OSBPL10: variants seen among roughly 807,000 people sequenced by gnomAD.
OSBPL10 encodes the protein oxysterol binding protein like 10, also known as oxysterol-binding protein-related protein 10.
Under a neutral mutation model 81.7 loss-of-function variants are expected in OSBPL10, and 49 were observed. That is an observed-to-expected ratio of 0.60 (90% CI 0.48 to 0.76). The LOEUF (loss-of-function observed/expected upper bound fraction) is 0.76, where lower values mean the gene tolerates loss of function less well. Among genes scored for constraint, OSBPL10 ranks in the 30% least tolerant of loss-of-function variants. The pLI is 0.00. For missense variants in OSBPL10, 923 were observed against 987.8 expected (o/e 0.93, Z 0.88); for synonymous variants, 419 against 383.6 (o/e 1.09, Z -1.08).
intron 1 of OSBPL10, among the ~76,000 whole-genome samples, chr3:31,974,625 G>A (rs180716050): frequency 5.3e-5 from 8 of 152,268 alleles, no homozygotes; most frequent in Admixed American, 6.5e-5. Flanking sequence ...TTAAGAGAAA[G>A]AAGCCAGACA....
intron 2 of OSBPL10, among the ~76,000 whole-genome samples, chr3:32,041,119 G>C (rs182696833): frequency 6.6e-6 from 1 of 152,068 alleles, no homozygotes; most frequent in Admixed American, 6.6e-5. Context: ...AGCTTCCTCC[G>C]TGCCACATAC....
At chr3:32,077,111 A>G (rs1405880624) in intron 1 of OSBPL10, among the ~76,000 whole-genome samples, 2 of 152,154 alleles carry the variant, frequency 1.3e-5, no homozygotes, top group Non-Finnish European at 2.9e-5. Flanking sequence ...GGAAAGGGCT[A>G]TTATCGTCTT....
chr3:32,036,099 G>A (rs1304771843), intron 2 of OSBPL10, among the ~76,000 whole-genome samples: 1 of 152,184 alleles, frequency 6.6e-6, no homozygotes, highest in Non-Finnish European at 1.5e-5. Context: ...CTAGGCTGGG[G>A]TGCAGTGGCA....
intron 2 of OSBPL10, among the ~76,000 whole-genome samples, chr3:32,042,665 G>A (rs9820397): frequency 0.021 from 3,172 of 152,128 alleles, 109 homozygotes; most frequent in African/African-American, 0.069. Context: ...CTGGGTCACC[G>A]GGGGTGACAT....
At chr3:31,815,043 C>T (rs892771716) in intron 4 of OSBPL10, among the ~76,000 whole-genome samples, 1 of 148,704 alleles carries the variant, frequency 6.7e-6, no homozygotes, top group Non-Finnish European at 1.5e-5. Context: ...TCTCTATCCC[C>T]GGAGCGCTTC....
At chr3:31,739,884 A>T (rs2125680238) in intron 5 of OSBPL10, among the ~76,000 whole-genome samples, 1 of 152,328 alleles carries the variant, frequency 6.6e-6, no homozygotes, top group Middle Eastern at 3.4e-3. Context: ...AATTTTGGTT[A>T]AAAATATTGC....
intron 2 of OSBPL10, among the ~76,000 whole-genome samples, chr3:32,010,376 A>T (rs1176029791): frequency 6.6e-6 from 1 of 152,174 alleles, no homozygotes; most frequent in African/African-American, 2.4e-5. Flanking sequence ...TAGCAGACTA[A>T]TACAGGATTC....
At chr3:31,967,233 GTTTT>G (rs905469213) in intron 1 of OSBPL10, among the ~76,000 whole-genome samples, 1 of 152,090 alleles carries the variant, frequency 6.6e-6, no homozygotes, top group Non-Finnish European at 1.5e-5. Context: ...GCCACTCCAG[GTTTT>G]TTGTTTGATT....
chr3:31,824,977 G>A (rs1700067322), intron 4 of OSBPL10, among the ~76,000 whole-genome samples: 2 of 152,128 alleles, frequency 1.3e-5, no homozygotes, highest in South Asian at 4.1e-4. Context: ...GCTGAGCAAT[G>A]GGCCTCCCAA....
intron 1 of OSBPL10, among the ~76,000 whole-genome samples, chr3:31,882,812 TTAAC>T (rs1295217711): frequency 2.0e-4 from 30 of 152,226 alleles, no homozygotes; most frequent in African/African-American, 7.2e-4. Context: ...GAAAGAAACT[TTAAC>T]TAGGCCACGG....
rs745591337 is a variant in OSBPL10, at chr3:31,845,911, C to T, written c.538-15680G>A. ...ACTTATTTGACTTCAAGAGGAATCCCGCACAACTGTGGTCAAGACATGGAG... is the reference window on the plus strand; with the variant it reads ...ACTTATTTGACTTCAAGAGGAATCCTGCACAACTGTGGTCAAGACATGGAG... On this transcript the variant is annotated intron_variant, in intron 3 of 11. Transcript: ENST00000396556. Among the ~76,000 whole-genome samples the T allele has an allele frequency of 1.6e-4, 25 of 152,190 alleles. 1 individual carries two copies. The highest frequency in any genetic ancestry group is 1.6e-3 in the Admixed American group (25 of 15,282).
intron 1 of OSBPL10, among the ~76,000 whole-genome samples, chr3:32,047,652 C>T (rs1699634637): frequency 6.6e-6 from 1 of 151,728 alleles, no homozygotes; most frequent in Non-Finnish European, 1.5e-5. Flanking sequence ...TTTACTACAA[C>T]CTGTTTTTTG....
intron 1 of OSBPL10, among the ~76,000 whole-genome samples, chr3:32,073,409 A>G (rs991273893): frequency 2.0e-5 from 3 of 152,106 alleles, no homozygotes; most frequent in Admixed American, 6.5e-5. Flanking sequence ...ATAGTACTCC[A>G]ACTGCCATCC....
intron 1 of OSBPL10, among the ~76,000 whole-genome samples, chr3:31,888,301 A>G (rs1441917568): frequency 6.6e-6 from 1 of 152,218 alleles, no homozygotes; most frequent in Non-Finnish European, 1.5e-5. Flanking sequence ...CTCTTATCCT[A>G]TACAAAAATC....
chr3:31,747,870 G>A (rs1366838444), intron 5 of OSBPL10, 40 bp downstream of exon 5: 5 of 1,577,490 alleles, frequency 3.2e-6, no homozygotes, highest in South Asian at 2.2e-5. Context: ...CACAGTGTGT[G>A]TACTCATCCC....
intron 4 of OSBPL10, among the ~76,000 whole-genome samples, chr3:31,812,367 G>A (rs866853927): frequency 8.5e-5 from 13 of 152,108 alleles, no homozygotes; most frequent in African/African-American, 3.1e-4. Context: ...TTTAATACCT[G>A]GTTAACGTCC....
intron 4 of OSBPL10, chr3:31,795,934 T>C: frequency 4.3e-6 from 1 of 234,550 alleles, no homozygotes; most frequent in South Asian, 7.8e-5. Flanking sequence ...AGAAGGGCCA[T>C]ATGAATGCAA....
chr3:31,831,026 G>A (rs564810058), intron 3 of OSBPL10, among the ~76,000 whole-genome samples: 6 of 152,232 alleles, frequency 3.9e-5, no homozygotes, highest in African/African-American at 7.2e-5. Flanking sequence ...CACAGATCTC[G>A]AATGGATCAA....
At chr3:31,680,436 C>T (rs1700613044) in intron 8 of OSBPL10, among the ~76,000 whole-genome samples, 1 of 152,138 alleles carries the variant, frequency 6.6e-6, no homozygotes, top group Admixed American at 6.5e-5. Flanking sequence ...CTCAAGGAGA[C>T]CCCAGCACCT....
Sources: gnomAD v4.1 joint callset for allele counts (sites outside exome capture counted in the v4.1 genomes callset) on GRCh38, gnomAD v4.1.1 for gene constraint, MANE v1.5 for transcripts, NCBI Gene and HGNC (gene_info 2026-07-23, HGNC 2026-07-21) for gene names.